Variants in ROBO1 observed in about 807,000 individuals in gnomAD.
The protein encoded by ROBO1 is roundabout homolog 1.
ROBO1 carries 149 observed loss-of-function variants against 195.9 expected under a neutral mutation model. The observed-to-expected ratio is 0.76, with a 90% CI of 0.67 to 0.87. The LOEUF is 0.87. ROBO1 is among the 40% of genes least tolerant of loss of function. ROBO1 has a pLI of 0.00. For missense variants in ROBO1, 1,933 were observed against 2,068.3 expected, an observed-to-expected ratio of 0.93 and a Z score of 1.27; for synonymous variants, 816 against 733.2, an observed-to-expected ratio of 1.11 and a Z score of -1.82.
At chr3:79,127,724 A>G (rs2080242574) in intron 2 of ROBO1, among the ~76,000 whole-genome samples, 1 of 152,194 alleles carries the variant, frequency 6.6e-6, no homozygotes, top group South Asian at 2.1e-4. Flanking sequence ...AAATAAATTT[A>G]CTGTCATTTG....
chr3:79,759,676 A>T (rs909184828), intron 1 of ROBO1, among the ~76,000 whole-genome samples: 2 of 152,202 alleles, frequency 1.3e-5, no homozygotes, highest in Non-Finnish European at 2.9e-5. Flanking sequence ...GCTAAACATA[A>T]TCCGATTTTG....
chr3:79,309,079 T>C (rs907199975), intron 2 of ROBO1, among the ~76,000 whole-genome samples: 3 of 152,130 alleles, frequency 2.0e-5, no homozygotes, highest in Admixed American at 6.5e-5. Flanking sequence ...AAAAAGCCAC[T>C]GTTATTAATT....
intron 3 of ROBO1, among the ~76,000 whole-genome samples, chr3:78,959,429 T>C (rs573545842): frequency 6.6e-6 from 1 of 152,238 alleles, no homozygotes; most frequent in Non-Finnish European, 1.5e-5. Context: ...TTGTTTTTTA[T>C]ATTAATTTTA....
At chr3:78,753,401 A>G (rs1326072649) in intron 4 of ROBO1, among the ~76,000 whole-genome samples, 3 of 152,152 alleles carry the variant, frequency 2.0e-5, no homozygotes, top group Non-Finnish European at 2.9e-5. Context: ...AATACTCCCT[A>G]GTGCTTATTC....
chr3:78,928,507 G>A (rs928706373), intron 4 of ROBO1, among the ~76,000 whole-genome samples: 12 of 152,114 alleles, frequency 7.9e-5, no homozygotes, highest in Non-Finnish European at 1.5e-5. Flanking sequence ...CAATGTTAGA[G>A]TCCAAACACA....
intron 1 of ROBO1, among the ~76,000 whole-genome samples, chr3:79,626,773 C>A (rs968510057): frequency 6.6e-6 from 1 of 152,160 alleles, no homozygotes; most frequent in South Asian, 2.1e-4. Context: ...CCCCAAACCT[C>A]CTCAAACTAA....
intron 3 of ROBO1, among the ~76,000 whole-genome samples, chr3:78,979,023 G>A (rs754201793): frequency 4.6e-5 from 7 of 152,114 alleles, no homozygotes; most frequent in Admixed American, 6.6e-5. Flanking sequence ...AATTAAAAAC[G>A]GAAAACACAT....
In ROBO1 at chr3:79,699,537, G is replaced by A. The variant is rs139913478; in HGVS notation, c.-51+68215C>T. On this transcript the variant is annotated intron_variant, in intron 1 of 30. Coordinates refer to ENST00000464233, the MANE Select transcript of ROBO1 (RefSeq NM_002941.4). Reference sequence around the variant, plus strand: ...TTGAGACCTCTTGAATCCTCTCACAGTCTCTTCCAAAGGCACACCTACCAG... The same window carrying A: ...TTGAGACCTCTTGAATCCTCTCACAATCTCTTCCAAAGGCACACCTACCAG... Among the ~76,000 whole-genome samples the A allele has an allele frequency of 5.9e-3, 894 of 151,748 alleles. 9 individuals are homozygous for A. Among genetic ancestry groups the A allele is most frequent in the Non-Finnish European group, 8.0e-3 (542 of 67,750 alleles).
chr3:79,764,924 G>C (rs1034161382), intron 1 of ROBO1, among the ~76,000 whole-genome samples: 1 of 152,118 alleles, frequency 6.6e-6, no homozygotes, highest in Non-Finnish European at 1.5e-5. Flanking sequence ...GGACTCCCTA[G>C]GCAGCTGTTG....
At chr3:79,519,647 A>AAAAAG in intron 2 of ROBO1, among the ~76,000 whole-genome samples, 1 of 150,676 alleles carries the variant, frequency 6.6e-6, no homozygotes, top group African/African-American at 2.4e-5. Context: ...AAAAAAAAAA[A>AAAAAG]AAGAAAAGAA....
chr3:79,547,401 T>C (rs11924917), intron 2 of ROBO1, among the ~76,000 whole-genome samples: 22,402 of 151,920 alleles, frequency 0.15, 2,127 homozygotes, highest in African/African-American at 0.26. Flanking sequence ...CTAAGATGAT[T>C]GAACATAGAA....
chr3:78,613,518 C>A (rs1489811789), intron 28 of ROBO1, among the ~76,000 whole-genome samples: 1 of 152,086 alleles, frequency 6.6e-6, no homozygotes, highest in African/African-American at 2.4e-5. Flanking sequence ...CAAAAGAGTC[C>A]TGGGCAGAAG....
intron 1 of ROBO1, among the ~76,000 whole-genome samples, chr3:79,647,474 T>A (rs1448761268): frequency 6.6e-6 from 1 of 152,074 alleles, no homozygotes; most frequent in Non-Finnish European, 1.5e-5. Flanking sequence ...GCCTGGAGTT[T>A]ATCTTAATAA....
chr3:78,602,418 A>C (rs1445372442), intron 29 of ROBO1, among the ~76,000 whole-genome samples: 1 of 152,090 alleles, frequency 6.6e-6, no homozygotes. Context: ...GTTTCCTATA[A>C]AGGCTGCAGA....
At chr3:78,695,151 G>A (rs2081258484) in intron 8 of ROBO1, among the ~76,000 whole-genome samples, 2 of 151,410 alleles carry the variant, frequency 1.3e-5, no homozygotes, top group African/African-American at 2.4e-5. Flanking sequence ...ACTAGCATTA[G>A]GAGATACACC....
intron 2 of ROBO1, among the ~76,000 whole-genome samples, chr3:79,227,933 C>G (rs922070647): frequency 3.3e-5 from 5 of 152,194 alleles, no homozygotes; most frequent in Middle Eastern, 3.4e-3. Context: ...ATGTCATGTT[C>G]AATAATTGTT....
At chr3:78,779,772 T>G (rs2083617225) in intron 4 of ROBO1, among the ~76,000 whole-genome samples, 1 of 152,180 alleles carries the variant, frequency 6.6e-6, no homozygotes, top group Non-Finnish European at 1.5e-5. Flanking sequence ...CACAAAGGAT[T>G]ATAAATCATT....
intron 2 of ROBO1, among the ~76,000 whole-genome samples, chr3:79,344,694 T>C (rs1279745464): frequency 3.3e-5 from 5 of 151,964 alleles, no homozygotes; most frequent in Non-Finnish European, 5.9e-5. Context: ...GCTGTAAAAA[T>C]GCATACATAT....
Position 78,661,996 on chromosome 3 carries a change from C to A in ROBO1, c.2085G>T (p.Trp695Cys), listed in dbSNP as rs1378777043. 6.2e-7 allele frequency: 1 copy of A among 1,607,884 alleles called. No individual in the cohort carries two copies. The highest frequency in any genetic ancestry group is 8.5e-7 in the Non-Finnish European group (1 of 1,177,316). ...VLSSSSIEVH[W>C]TVDQQSQYIQ... is the part of the protein sequence containing the mutation. ...ATCAAATATTGTAACAACTCACTGT[C>A]CAGTGCACTTCGATGGAAGAGGAAG... is the stretch of plus-strand genomic sequence containing the variant. The change falls in exon 15 of 31, where the codon TGG (tryptophan) becomes TGT (cysteine). Residue 695 changes from tryptophan to cysteine, a missense_variant. Transcript: ENST00000464233.
Sources: gnomAD v4.1 joint callset for allele counts (sites outside exome capture counted in the v4.1 genomes callset) on GRCh38, gnomAD v4.1.1 for gene constraint, MANE v1.5 for transcripts, NCBI Gene and HGNC (gene_info 2026-07-23, HGNC 2026-07-21) for gene names.